LRCH2: variants seen among roughly 807,000 people sequenced by gnomAD.
The protein encoded by LRCH2 is leucine-rich repeat and calponin homology domain-containing protein 2.
In LRCH2, 38 loss-of-function variants were observed where a neutral mutation model predicts 68.9. The ratio of observed to expected loss-of-function variants is 0.55; its 90% confidence interval spans 0.43 to 0.72. The LOEUF is 0.72. Ranked by LOEUF, LRCH2 falls within the 30% of genes least tolerant of loss-of-function variation. LRCH2 has a pLI of 0.00. For synonymous variants in LRCH2, 191 were observed against 208.1 expected (o/e 0.92, Z 0.71); for missense variants, 528 against 572.9 (o/e 0.92, Z 0.80).
chrX:115,203,935 C>T (rs1603091334), intron 1 of LRCH2, among the ~76,000 whole-genome samples: 2 of 112,670 alleles, frequency 1.8e-5, no homozygotes, highest in Admixed American at 1.9e-4. Flanking sequence ...CCCCACATTT[C>T]CCCTCTACAC....
At chrX:115,189,537 C>T in intron 1 of LRCH2, 1 of 1,179,977 alleles carries the variant, frequency 8.5e-7, no homozygotes, top group Non-Finnish European at 1.1e-6. Context: ...GCAAGTATGG[C>T]CACATCATCA....
chrX:115,175,369 C>G (rs2072638953), intron 5 of LRCH2, among the ~76,000 whole-genome samples: 1 of 111,472 alleles, frequency 9.0e-6, no homozygotes, highest in Admixed American at 9.5e-5. Flanking sequence ...CCTTCCCCTA[C>G]CTTTCTGTGT....
chrX:115,114,345 T>C (rs992237281), intron 20 of LRCH2, among the ~76,000 whole-genome samples: 7 of 111,220 alleles, frequency 6.3e-5, no homozygotes, highest in Non-Finnish European at 1.1e-4. Flanking sequence ...CTTAATATTT[T>C]GCTTATTTAT....
chrX:115,198,946 C>A (rs1413952401), intron 1 of LRCH2, among the ~76,000 whole-genome samples: 5 of 111,539 alleles, frequency 4.5e-5, no homozygotes, highest in Non-Finnish European at 7.5e-5. Flanking sequence ...ATAAAAAAAA[C>A]CAAGACTGCC....
chrX:115,165,366 AG>A lies in LRCH2; in HGVS notation c.1355+38del, dbSNP rs1404390937. On this transcript the variant is annotated intron_variant, in intron 10 of 20. Coordinates refer to ENST00000317135, the MANE Select transcript of LRCH2 (RefSeq NM_020871.4). ...GTAGGAATATCTAATGAATGGCTCA[AG>A]GGCTTATAAATAACATTTCATTTTC... 3 of 972,342 alleles carry A rather than the reference AG, an allele frequency of 3.1e-6. No homozygotes were observed. In the African/African-American group the frequency reaches 5.9e-5, roughly 19 times the overall value. The allele number at this position is 972,342 out of a possible 1,213,427, so 80.1% of individuals were successfully genotyped here.
intron 1 of LRCH2, chrX:115,190,772 G>T (rs1556558109): frequency 8.6e-7 from 1 of 1,166,722 alleles, no homozygotes; most frequent in Non-Finnish European, 1.1e-6. Flanking sequence ...GATGCCCACA[G>T]CAGGGGCCGG....
At chrX:115,190,260 T>C in intron 1 of LRCH2, 1 of 1,156,247 alleles carries the variant, frequency 8.6e-7, no homozygotes, top group Non-Finnish European at 1.2e-6. Flanking sequence ...CGGACTACCG[T>C]CCCTTGAGAG....
intron 15 of LRCH2, among the ~76,000 whole-genome samples, chrX:115,127,220 T>C (rs2072207736): frequency 8.9e-6 from 1 of 111,782 alleles, no homozygotes; most frequent in Non-Finnish European, 1.9e-5. Context: ...GTTACCAATC[T>C]GAGACATGTA....
At position 115,190,927 on chromosome X, in the gene LRCH2, G is replaced by C. The variant is rs782706485; in HGVS notation, c.350-2557C>G. On this transcript the variant is annotated intron_variant, in intron 1 of 20. Coordinates refer to ENST00000317135, the MANE Select transcript of LRCH2 (RefSeq NM_020871.4). ...GCCCGAGGCCTACAGTGGGGGCCAC[G>C]ACAATTCCAGCTGGAGCGACCGCTA... The C allele has an allele frequency of 8.5e-5, 99 of 1,159,579 alleles. No homozygotes were observed. The South Asian group carries it at 1.8e-3, about 21-fold the overall frequency.
chrX:115,156,530 C>CA, intron 12 of LRCH2, 72 bp downstream of exon 12: 1 of 665,826 alleles, frequency 1.5e-6, no homozygotes, highest in Non-Finnish European at 2.2e-6. Context: ...AGCCTATATA[C>CA]AAAAACATCA....
At chrX:115,137,953 G>GA (rs76218583) in intron 14 of LRCH2, among the ~76,000 whole-genome samples, 5 of 103,861 alleles carry the variant, frequency 4.8e-5, no homozygotes, top group Non-Finnish European at 7.9e-5. Context: ...CGTCTCAAGA[G>GA]AAAAAAAAAA....
chrX:115,219,435 C>T (rs1268771087), intron 1 of LRCH2, among the ~76,000 whole-genome samples: 1 of 108,693 alleles, frequency 9.2e-6, no homozygotes, highest in Non-Finnish European at 1.9e-5. Context: ...AAAAAAATCC[C>T]ATTTGTTTAC....
chrX:115,200,612 G>C (rs1460593830), intron 1 of LRCH2, among the ~76,000 whole-genome samples: 1 of 106,758 alleles, frequency 9.4e-6, no homozygotes, highest in Non-Finnish European at 1.9e-5. Context: ...GGCCAATAAT[G>C]AAGAGCAAAA....
At chrX:115,119,825 T>C (rs1373369114) in intron 20 of LRCH2, among the ~76,000 whole-genome samples, 1 of 105,140 alleles carries the variant, frequency 9.5e-6, no homozygotes, top group Non-Finnish European at 1.9e-5. Flanking sequence ...AACAGAGATA[T>C]AGATCAATGG....
rs986763558 is a variant in LRCH2 at position 115,146,059 on chromosome X, C to A, written c.1695+3768G>T. Among the ~76,000 whole-genome samples, 7 of 111,823 alleles carry A rather than the reference C, an allele frequency of 6.3e-5. 1 individual carries two copies. The Admixed American group carries it at 6.7e-4, about 11-fold the overall frequency. On this transcript the variant is annotated intron_variant, in intron 14 of 20. Transcript: ENST00000317135. ...ACCTAAGTGTCCATCAATAGAAGAA[C>A]AGATAAAGAAAATGTGGTACACATA...
chrX:115,158,698 T>C (rs1354901103), intron 11 of LRCH2, among the ~76,000 whole-genome samples: 1 of 111,953 alleles, frequency 8.9e-6, no homozygotes, highest in African/African-American at 3.2e-5. Flanking sequence ...AAATAATTAC[T>C]AAAAGGAAAG....
At chrX:115,159,889 G>A (rs1556540950) in intron 11 of LRCH2, among the ~76,000 whole-genome samples, 1 of 111,673 alleles carries the variant, frequency 9.0e-6, no homozygotes, top group African/African-American at 3.3e-5. Context: ...CAATTTGATG[G>A]TTTATTTGCT....
chrX:115,119,994 C>T (rs1556525306), intron 20 of LRCH2, among the ~76,000 whole-genome samples: 2 of 110,988 alleles, frequency 1.8e-5, no homozygotes, highest in East Asian at 2.8e-4. Flanking sequence ...TGGATCCCTT[C>T]CTTACACCTT....
chrX:115,151,141 G>A (rs2147373442), intron 12 of LRCH2, among the ~76,000 whole-genome samples: 1 of 111,397 alleles, frequency 9.0e-6, no homozygotes, highest in South Asian at 3.7e-4. Flanking sequence ...TTTGACAAAG[G>A]AGTTCCAAAG....
Sources: allele counts gnomAD v4.1 joint callset (sites outside exome capture counted in the v4.1 genomes callset), GRCh38; gene constraint gnomAD v4.1.1; transcripts MANE v1.5; gene names NCBI Gene and HGNC (gene_info 2026-07-23, HGNC 2026-07-21).